The following GFRA1 variants were observed in gnomAD, a reference collection of about 807,000 sequenced individuals.
The protein encoded by GFRA1 is GDNF family receptor alpha-1.
GFRA1 carries 16 observed loss-of-function variants against 51.6 expected under a neutral mutation model. The ratio of observed to expected loss-of-function variants is 0.31; its 90% confidence interval spans 0.21 to 0.47. The LOEUF (loss-of-function observed/expected upper bound fraction) is 0.47, where lower values mean the gene tolerates loss of function less well. Ranked by LOEUF, GFRA1 falls within the 20% of genes least tolerant of loss-of-function variation. The probability of loss-of-function intolerance (pLI) is 1.00; values close to 1 mark genes in which losing one functional copy is unlikely to be tolerated. For missense variants in GFRA1, 530 were observed against 594.3 expected (o/e 0.89, Z 1.13); for synonymous variants, 270 against 241.3 (o/e 1.12, Z -1.10).
intron 5 of GFRA1, among the ~76,000 whole-genome samples, chr10:116,135,512 A>G (rs1339646524): frequency 6.6e-6 from 1 of 152,222 alleles, no homozygotes; most frequent in East Asian, 1.9e-4. Flanking sequence ...CTGTGTATTA[A>G]GATGGCACAA....
At chr10:116,073,826 C>G (rs537301484) in intron 9 of GFRA1, among the ~76,000 whole-genome samples, 5 of 152,236 alleles carry the variant, frequency 3.3e-5, no homozygotes, top group South Asian at 2.1e-4. Context: ...CGTAATGGCT[C>G]TGTGACTTAT....
At chr10:116,189,678 G>A (rs1007793885) in intron 5 of GFRA1, among the ~76,000 whole-genome samples, 5 of 152,128 alleles carry the variant, frequency 3.3e-5, no homozygotes, top group African/African-American at 1.2e-4. Context: ...GGAAATAAGA[G>A]GAGGTTGAGA....
intron 5 of GFRA1, among the ~76,000 whole-genome samples, chr10:116,162,632 G>A (rs933636954): frequency 2.0e-5 from 3 of 152,182 alleles, no homozygotes; most frequent in Admixed American, 6.5e-5. Flanking sequence ...AGCTCACAGC[G>A]AAAAATCCGT....
In GFRA1 at chr10:116,057,639, G is replaced by T. The variant is rs1403915912; in HGVS notation, c.*6759C>A. ...AAAACTTTAAAGCAAACTCTGCAGT[G>T]AAAAGTGTTTCCCCCACTCCCTTGG... On this transcript the variant is annotated 3_prime_UTR_variant, in exon 11 of 11. Transcript: ENST00000355422. 6.6e-6 allele frequency: 1 copy of T among 152,028 alleles called. No homozygotes were observed. The highest frequency in any genetic ancestry group is 2.4e-5 in the African/African-American group (1 of 41,400). The allele number at this position is 152,028 out of a possible 1,614,324, so 9.4% of individuals were successfully genotyped here. A position where few individuals can be genotyped will look rare whatever the true frequency, so the allele number is the denominator to read the frequency against.
At chr10:116,157,846 G>T (rs1480091417) in intron 5 of GFRA1, among the ~76,000 whole-genome samples, 1 of 152,220 alleles carries the variant, frequency 6.6e-6, no homozygotes, top group Non-Finnish European at 1.5e-5. Context: ...CGAATGGACT[G>T]CCACTGTCCA....
intron 5 of GFRA1, among the ~76,000 whole-genome samples, chr10:116,208,225 T>C (rs1475233283): frequency 6.6e-6 from 1 of 152,016 alleles, no homozygotes; most frequent in Non-Finnish European, 1.5e-5. Context: ...CTACTTGTCA[T>C]TCTCTGGCCA....
At chr10:116,224,215 G>A (rs898693299) in intron 4 of GFRA1, among the ~76,000 whole-genome samples, 1 of 152,346 alleles carries the variant, frequency 6.6e-6, no homozygotes, top group African/African-American at 2.4e-5. Context: ...ATTATGTAGA[G>A]AAACTGGAAG....
rs1196270586 is a variant in GFRA1 at position 116,270,822 on chromosome 10, C to T, written c.334G>A (p.Gly112Arg). The change falls in exon 3 of 11, where the codon GGA (glycine) becomes AGA (arginine). Residue 112 changes from glycine to arginine, a missense_variant and splice_region_variant. Transcript: ENST00000355422. ...IYWSMYQSLQ[G>R]NDLLEDSPYE... ...TGGGGTGGGGAGGTTCCACGCGTAC[C>T]CTGCAGGCTCTGGTACATGCTCCAG... The T allele has an allele frequency of 1.9e-6, 3 of 1,610,676 alleles. No individual in the cohort carries two copies. The highest frequency in any genetic ancestry group is 2.2e-5 in the East Asian group (1 of 44,814).
At chr10:116,259,681 A>G (rs1969155970) in intron 4 of GFRA1, among the ~76,000 whole-genome samples, 1 of 152,224 alleles carries the variant, frequency 6.6e-6, no homozygotes, top group Non-Finnish European at 1.5e-5. Context: ...GGGAGTAGAT[A>G]GCTCCTTCTA....
At chr10:116,269,173 C>T (rs563425201) in intron 4 of GFRA1, among the ~76,000 whole-genome samples, 8 of 152,120 alleles carry the variant, frequency 5.3e-5, no homozygotes, top group East Asian at 1.9e-4. Context: ...GAAGAGAATA[C>T]GATTGCCACC....
At chr10:116,179,399 T>C (rs1403420830) in intron 5 of GFRA1, among the ~76,000 whole-genome samples, 1 of 152,208 alleles carries the variant, frequency 6.6e-6, no homozygotes, top group Non-Finnish European at 1.5e-5. Flanking sequence ...CACAAATAAG[T>C]TTTCTGACCA....
chr10:116,078,894 T>C (rs73363885), intron 9 of GFRA1, among the ~76,000 whole-genome samples: 8,826 of 152,170 alleles, frequency 0.058, 844 homozygotes, highest in African/African-American at 0.2. Context: ...TGCTATGGGC[T>C]CAGCGTTGAC....
intron 5 of GFRA1, among the ~76,000 whole-genome samples, chr10:116,173,137 TAA>T (rs1342307421): frequency 6.6e-6 from 1 of 152,200 alleles, no homozygotes; most frequent in Non-Finnish European, 1.5e-5. Flanking sequence ...TGCTGTATGT[TAA>T]GTTTCTTACA....
At chr10:116,170,061 G>T (rs1226520440) in intron 5 of GFRA1, among the ~76,000 whole-genome samples, 3 of 152,204 alleles carry the variant, frequency 2.0e-5, no homozygotes, top group South Asian at 4.1e-4. Context: ...GCACGTGGAA[G>T]CAGCTGAGCA....
rs569402563 is a variant in GFRA1, at chr10:116,205,637, G to C, written c.433+5994C>G. Among the ~76,000 whole-genome samples the C allele has an allele frequency of 2.1e-3, 298 of 145,320 alleles. 1 individual carries two copies. The highest frequency in any genetic ancestry group is 7.3e-3 in the African/African-American group (283 of 38,920). ...TATATATATATATATTCTTTAAAAG[G>C]ACAAACTGCTCTTCTTTTATAGCCA... On this transcript the variant is annotated intron_variant, in intron 5 of 10. Transcript: ENST00000355422.
chr10:116,216,070 C>G (rs1260824527), intron 4 of GFRA1, among the ~76,000 whole-genome samples: 3 of 152,166 alleles, frequency 2.0e-5, no homozygotes, highest in Non-Finnish European at 2.9e-5. Flanking sequence ...TCCCCCACAG[C>G]TACTAAGAGA....
chr10:116,228,603 C>T (rs1365971045), intron 4 of GFRA1, among the ~76,000 whole-genome samples: 3 of 152,046 alleles, frequency 2.0e-5, no homozygotes, highest in East Asian at 1.9e-4. Context: ...GATAATCTTC[C>T]CCCAGAGAGT....
intron 7 of GFRA1, 148 bp downstream of exon 7, chr10:116,096,507 G>T: frequency 3.1e-6 from 2 of 644,774 alleles, no homozygotes; most frequent in Admixed American, 2.5e-5. Context: ...TTTTTTACAG[G>T]CATGTCCTCA....
intron 4 of GFRA1, among the ~76,000 whole-genome samples, chr10:116,213,894 A>G (rs1965379763): frequency 6.6e-6 from 1 of 152,112 alleles, no homozygotes; most frequent in South Asian, 2.1e-4. Flanking sequence ...AAACATCACC[A>G]TTTCTTTTAC....
Sources: allele counts gnomAD v4.1 joint callset (sites outside exome capture counted in the v4.1 genomes callset), GRCh38; gene constraint gnomAD v4.1.1; transcripts MANE v1.5; gene names NCBI Gene and HGNC (gene_info 2026-07-23, HGNC 2026-07-21).